The following CSRNP2 variants were observed in gnomAD, a reference collection of about 807,000 sequenced individuals.
CSRNP2 encodes the protein cysteine and serine rich nuclear protein 2.
In CSRNP2, 11 loss-of-function variants were observed where a neutral mutation model predicts 36.6. The observed-to-expected ratio is 0.30, with a 90% CI of 0.19 to 0.50. The LOEUF (loss-of-function observed/expected upper bound fraction) is 0.50, where lower values mean the gene tolerates loss of function less well. Ranked by LOEUF, CSRNP2 falls within the 20% of genes least tolerant of loss-of-function variation. CSRNP2 has a pLI of 0.98. For missense variants in CSRNP2, 483 were observed against 691.4 expected, an observed-to-expected ratio of 0.70 and a Z score of 3.38; for synonymous variants, 248 against 275.3, an observed-to-expected ratio of 0.90 and a Z score of 0.98.
Position 51,070,610 on chromosome 12 carries a change from T to C in CSRNP2, c.412-2641A>G, listed in dbSNP as rs1326072144. On this transcript the variant is annotated intron_variant, in intron 3 of 4. Coordinates refer to ENST00000228515, the MANE Select transcript of CSRNP2 (RefSeq NM_030809.3). ...AAATCGTATTGGAACAAGTGGATAT[T>C]TTCTGGGGGAAAAAAGATTCCCAAT... 4.6e-5 allele frequency among the ~76,000 whole-genome samples: 7 copies of C among 152,206 alleles called. No homozygotes were observed. The East Asian group carries it at 1.3e-3, about 29-fold the overall frequency.
chr12:51,067,954 T>A lies in CSRNP2; in HGVS notation c.427A>T (p.Thr143Ser). 5 of 1,613,474 alleles carry A rather than the reference T, an allele frequency of 3.1e-6. No individual in the cohort carries two copies. Among genetic ancestry groups the A allele is most frequent in the Non-Finnish European group, 3.4e-6 (4 of 1,179,484 alleles). ...CCATCAGCCTCCACCGACTCCACTG[T>A]CCCATTCTTGGTCAGCTGCCAAGAG... Reference protein sequence around the residue: ...AKKMKLTKNGTVESVEADGLT... With the variant: ...AKKMKLTKNGSVESVEADGLT... Residue 143 changes from threonine to serine, a missense_variant, in exon 4 of 5, where the codon ACA (threonine) becomes TCA (serine). Physicochemically the swap from Thr to Ser is moderately conservative, Grantham distance 58. Transcript: ENST00000228515. The surrounding 1 kb of genome is among the most constrained non-coding windows in gnomAD (Gnocchi z 4.1).
chr12:51,071,167 C>G (rs1201565067), intron 3 of CSRNP2, among the ~76,000 whole-genome samples: 3 of 148,716 alleles, frequency 2.0e-5, no homozygotes, highest in Non-Finnish European at 4.4e-5. Context: ...GGCTGAGGCA[C>G]AAGAATCGCT....
chr12:51,076,351 G>A lies in CSRNP2; in HGVS notation c.151+60C>T, dbSNP rs527416042. On this transcript the variant is annotated intron_variant, in intron 2 of 4. Coordinates refer to ENST00000228515, the MANE Select transcript of CSRNP2 (RefSeq NM_030809.3). ...AGCCACACAGACGCTGTCTCGAGCTGCCATGGGTTCTGCTGCTTGGGGAAT... is the reference window on the plus strand; with the variant it reads ...AGCCACACAGACGCTGTCTCGAGCTACCATGGGTTCTGCTGCTTGGGGAAT... 468 of 1,580,336 alleles carry A rather than the reference G, an allele frequency of 3.0e-4. 1 individual carries two copies. The highest frequency in any genetic ancestry group is 2.7e-3 in the Middle Eastern group (14 of 5,134).
chr12:51,077,124 T>A (rs981842273), intron 1 of CSRNP2, among the ~76,000 whole-genome samples: 50 of 152,020 alleles, frequency 3.3e-4, no homozygotes, highest in African/African-American at 1.1e-3. Context: ...TATTTATCTG[T>A]TTTAGAAACA....
intron 1 of CSRNP2, among the ~76,000 whole-genome samples, chr12:51,077,233 A>C (rs893700556): frequency 6.6e-6 from 1 of 151,992 alleles, no homozygotes. Flanking sequence ...GGCACACACC[A>C]CTGAACCCGG....
At position 51,062,238 on chromosome 12, in the gene CSRNP2, A is replaced by G. The variant is rs1472431340; in HGVS notation, c.*1508T>C. ...CACCAGAAAAGGCTTTATGAGCAAG[A>G]TAAGTAGGAGTAGTGTCTCCCCCCC... On this transcript the variant is annotated 3_prime_UTR_variant, in exon 5 of 5. Transcript: ENST00000228515. 3 of 152,342 alleles carry G rather than the reference A, an allele frequency of 2.0e-5. No homozygotes were observed. The highest frequency in any genetic ancestry group is 2.1e-4 in the South Asian group (1 of 4,834). 9.4% of individuals were successfully genotyped at this position (152,342 alleles called of 1,614,324 possible).
chr12:51,073,884 T>C lies in CSRNP2; in HGVS notation c.350A>G (p.Asn117Ser). The C allele has an allele frequency of 6.8e-6, 11 of 1,614,158 alleles. No homozygotes were observed. The highest frequency in any genetic ancestry group is 9.3e-6 in the Non-Finnish European group (11 of 1,180,016). ...LCEFAQEQEV[N>S]HREILREHLK... ...GTGCTCACGCAGAATCTCTCGATGG[T>C]TCACCTCCTGTTCCTGGGCAAACTC... Residue 117 changes from asparagine (N) to serine (S), a missense_variant, in exon 3 of 5, where the codon AAC (asparagine) becomes AGC (serine). This residue lies in a region of CSRNP2 where 206 missense variants were observed against 367.8 expected (regional missense o/e 0.56). Coordinates refer to ENST00000228515, the MANE Select transcript of CSRNP2 (RefSeq NM_030809.3).
Position 51,063,981 on chromosome 12 carries a change from T to C in CSRNP2, c.1397A>G (p.Asp466Gly). The C allele has an allele frequency of 6.2e-7, 1 of 1,613,858 alleles. No homozygotes were observed. Among genetic ancestry groups the C allele is most frequent in the Non-Finnish European group, 8.5e-7 (1 of 1,179,778 alleles). Residue 466 changes from aspartate to glycine, a missense_variant, in exon 5 of 5, where the codon GAC (aspartate) becomes GGC (glycine). Coordinates refer to ENST00000228515, the MANE Select transcript of CSRNP2 (RefSeq NM_030809.3). ...VTSLVACSST[D>G]PAALCKSEVG... ...CTCTGATTTACAGAGGGCAGCTGGG[T>C]CTGTGGAGCTACAAGCCACGAGTGA...
intron 4 of CSRNP2, among the ~76,000 whole-genome samples, chr12:51,066,124 T>C (rs1326474966): frequency 6.6e-6 from 1 of 151,484 alleles, no homozygotes; most frequent in Non-Finnish European, 1.5e-5. Flanking sequence ...GTTTGAGACC[T>C]GCCCGGCCAA....
intron 3 of CSRNP2, among the ~76,000 whole-genome samples, chr12:51,070,071 C>T (rs1011660281): frequency 2.6e-5 from 4 of 151,798 alleles, no homozygotes; most frequent in Middle Eastern, 3.4e-3. Context: ...GAAGACAAGC[C>T]GTGGCTGAAA....
At chr12:51,078,446 C>T (rs909995445) in intron 1 of CSRNP2, among the ~76,000 whole-genome samples, 27 of 151,886 alleles carry the variant, frequency 1.8e-4, no homozygotes, top group Non-Finnish European at 4.4e-5. Flanking sequence ...AATTAAAAAA[C>T]GAGCCCAAAG....
chr12:51,075,408 A>G (rs959215174), intron 2 of CSRNP2, among the ~76,000 whole-genome samples: 2 of 152,092 alleles, frequency 1.3e-5, no homozygotes, highest in African/African-American at 4.8e-5. Flanking sequence ...CACTGCGCCC[A>G]GCCACTAACC....
intron 3 of CSRNP2, among the ~76,000 whole-genome samples, chr12:51,073,527 T>A (rs1245917795): frequency 4.0e-5 from 6 of 150,678 alleles, no homozygotes; most frequent in African/African-American, 1.5e-4. Context: ...AGACCAGGAG[T>A]TCGAGACCAG....
At chr12:51,064,788 C>A (rs1402143900) in intron 4 of CSRNP2, 119 bp from the exon 5 acceptor site, 17 of 742,294 alleles carry the variant, frequency 2.3e-5, no homozygotes, top group Non-Finnish European at 3.3e-5. Flanking sequence ...AGAAGAAAAG[C>A]AACCAATTCA....
In CSRNP2 at chr12:51,072,645, C is replaced by CAAAGAA. The variant is rs1939228088; in HGVS notation, c.411+1177_411+1178insTTCTTT. 4.7e-5 allele frequency among the ~76,000 whole-genome samples: 7 copies of CAAAGAA among 148,246 alleles called. No individual in the cohort carries two copies. In the East Asian group the frequency reaches 1.4e-3, roughly 30 times the overall value. On this transcript the variant is annotated intron_variant, in intron 3 of 4. Coordinates refer to ENST00000228515, the MANE Select transcript of CSRNP2 (RefSeq NM_030809.3). ...GGGTCTTTTCCCAGCCTCTCTCTCT[C>CAAAGAA]GAAGAAGAGGTGGTGCTGTATCAGG...
At chr12:51,073,759 A>G in intron 3 of CSRNP2, 64 bp downstream of exon 3, 1 of 1,492,476 alleles carries the variant, frequency 6.7e-7, no homozygotes, top group Non-Finnish European at 9.0e-7. Flanking sequence ...CAATCAACCA[A>G]CCAACCAATG....
rs1446433502 is a variant in CSRNP2, at chr12:51,064,265, C to T, written c.1113G>A (p.Leu371=). 5.0e-6 allele frequency: 8 copies of T among 1,612,846 alleles called. No individual in the cohort carries two copies. In the Admixed American group the frequency reaches 6.7e-5, roughly 13 times the overall value. The change falls in exon 5 of 5, where the codon CTG becomes CTA. Residue 371 remains leucine (L), a synonymous_variant. Coordinates refer to ENST00000228515, the MANE Select transcript of CSRNP2 (RefSeq NM_030809.3). The part of the protein sequence containing the change: ...LEEPLAVPEE[L]CPGLTAPILI... ...GAATGGGGGCTGTAAGGCCTGGGCA[C>T]AGCTCTTCGGGGACAGCCAGAGGCT...
chr12:51,064,528 C>T lies in CSRNP2; in HGVS notation c.850G>A (p.Val284Met). ...MKLELESKRQ[V>M]SRPAAPDEEP... is the part of the protein sequence containing the mutation. Reference sequence around the variant, plus strand: ...TCATCTGGGGCTGCTGGGCGGCTCACCTGCCGCTTGCTCTCCAGCTCCAGC... The same window carrying T: ...TCATCTGGGGCTGCTGGGCGGCTCATCTGCCGCTTGCTCTCCAGCTCCAGC... The change falls in exon 5 of 5, where the codon GTG (valine) becomes ATG (methionine). Residue 284 changes from valine to methionine, a missense_variant. Val to Met is a conservative substitution (Grantham distance 21). This residue lies in a region of CSRNP2 where 277 missense variants were observed against 323.6 expected (regional missense o/e 0.86). Coordinates refer to ENST00000228515, the MANE Select transcript of CSRNP2 (RefSeq NM_030809.3). The T allele has an allele frequency of 6.2e-7, 1 of 1,613,416 alleles. No homozygotes were observed. Among genetic ancestry groups the T allele is most frequent in the Non-Finnish European group, 8.5e-7 (1 of 1,179,660 alleles).
At position 51,076,710 on chromosome 12, in the gene CSRNP2, C is replaced by T. The variant is rs190517299; in HGVS notation, c.-86-63G>A. On this transcript the variant is annotated intron_variant, in intron 1 of 4. Transcript: ENST00000228515. ...CAGACAGACTCCTCCCCAGTCTATA[C>T]ACACAGCTCTCTAAAGAAAGCACCT... The T allele has an allele frequency of 6.6e-6, 5 of 761,014 alleles. No homozygotes were observed. The East Asian group carries it at 1.3e-4, about 19-fold the overall frequency. 47.1% of individuals were successfully genotyped at this position (761,014 alleles called of 1,614,324 possible). A position where few individuals can be genotyped will look rare whatever the true frequency, so the allele number is the denominator to read the frequency against.
Sources: gnomAD v4.1 joint callset for allele counts (sites outside exome capture counted in the v4.1 genomes callset) on GRCh38, gnomAD v4.1.1 for gene constraint, gnomAD v4.1.1 regional missense constraint, Gnocchi (gnomAD v3.1) non-coding constraint, MANE v1.5 for transcripts, NCBI Gene and HGNC (gene_info 2026-07-23, HGNC 2026-07-21) for gene names.